Variants in AR observed in about 807,000 individuals in gnomAD.
AR encodes dihydrotestosterone receptor.
Under a neutral mutation model 53.9 loss-of-function variants are expected in AR, and 8 were observed. That is an observed-to-expected ratio of 0.15 (90% confidence interval 0.09 to 0.27). The LOEUF is 0.27. Among genes scored for constraint, AR ranks in the 10% least tolerant of loss-of-function variants. AR has a pLI of 1.00. For synonymous variants in AR, 359 were observed against 316.4 expected, an observed-to-expected ratio of 1.13 and a Z score of -1.43; for missense variants, 639 against 742.5, an observed-to-expected ratio of 0.86 and a Z score of 1.62.
At chrX:67,613,165 T>C (rs1923959715) in intron 1 of AR, among the ~76,000 whole-genome samples, 1 of 111,907 alleles carries the variant, frequency 8.9e-6, no homozygotes, top group Non-Finnish European at 1.9e-5. Flanking sequence ...CTAGGGAATA[T>C]ACCGTTATCC....
intron 3 of AR, among the ~76,000 whole-genome samples, chrX:67,704,016 A>G (rs1042834467): frequency 3.6e-5 from 4 of 111,944 alleles, no homozygotes; most frequent in African/African-American, 1.3e-4. Flanking sequence ...TGGTGTATAT[A>G]TGCCACATTT....
rs750725361 is a variant in AR, at chrX:67,545,665, C to G, written c.519C>G (p.Gly173=). 3.4e-5 allele frequency: 41 copies of G among 1,198,624 alleles called. No individual in the cohort carries two copies. Among genetic ancestry groups the G allele is most frequent in the Non-Finnish European group, 2.9e-5 (26 of 889,355 alleles). The change falls in exon 1 of 8, where the codon GGC becomes GGG. Residue 173 remains glycine, a synonymous_variant. Transcript: ENST00000374690. ...CCCTGCTGGGCCCCACTTTCCCCGG[C>G]TTAAGCAGCTGCTCCGCTGACCTTA... ...TLSLLGPTFP[G]LSSCSADLKD... is the part of the protein sequence containing the mutation.
chrX:67,718,163 C>T (rs755168411), intron 5 of AR, among the ~76,000 whole-genome samples: 3 of 111,679 alleles, frequency 2.7e-5, no homozygotes, highest in African/African-American at 9.8e-5. Flanking sequence ...TAAAGTGACT[C>T]ACCCAAAGTC....
rs2076167278 is a variant in AR at position 67,728,574 on chromosome X, A to AATTATATAT, written c.*4735_*4736insTATATATAT. 1 of 29,775 alleles carries AATTATATAT rather than the reference A, an allele frequency of 3.4e-5. No homozygotes were observed. Among genetic ancestry groups the AATTATATAT allele is most frequent in the Non-Finnish European group, 5.6e-5 (1 of 17,829 alleles). 2.5% of individuals were successfully genotyped at this position (29,775 alleles called of 1,213,427 possible). A position where few individuals can be genotyped will look rare whatever the true frequency, so the allele number is the denominator to read the frequency against. On this transcript the variant is annotated 3_prime_UTR_variant, in exon 8 of 8. Transcript: ENST00000374690. ...ATTTGTATCCATGTTTCAAAATTGA[A>AATTATATAT]ATATATATATATATATATATATATA...
At chrX:67,651,929 A>G (rs912549963) in intron 2 of AR, among the ~76,000 whole-genome samples, 2 of 111,640 alleles carry the variant, frequency 1.8e-5, no homozygotes, top group East Asian at 2.9e-4. Context: ...AGGAAGCACA[A>G]CTTAACACCT....
intron 2 of AR, among the ~76,000 whole-genome samples, chrX:67,660,371 A>G (rs1241144706): frequency 2.7e-5 from 3 of 111,762 alleles, no homozygotes; most frequent in Non-Finnish European, 3.8e-5. Context: ...TCTTTAATCC[A>G]TCTTGAATTA....
intron 1 of AR, among the ~76,000 whole-genome samples, chrX:67,579,709 C>CGGAAAAA (rs1922204647): frequency 2.7e-5 from 3 of 111,846 alleles, no homozygotes; most frequent in Non-Finnish European, 5.7e-5. Context: ...TTCTATGCAG[C>CGGAAAAA]TATTAAAGCA....
At chrX:67,670,373 T>A (rs1707476467) in intron 2 of AR, among the ~76,000 whole-genome samples, 1 of 101,621 alleles carries the variant, frequency 9.8e-6, no homozygotes, top group African/African-American at 3.5e-5. Flanking sequence ...AGTATTATTT[T>A]AAAAATATTT....
intron 1 of AR, among the ~76,000 whole-genome samples, chrX:67,604,195 AAT>A (rs1280599162): frequency 1.7e-4 from 11 of 65,572 alleles, no homozygotes; most frequent in African/African-American, 3.7e-4. Context: ...GCTGGGGAGA[AAT>A]ATGTGTGTGT....
At chrX:67,645,651 C>A in intron 2 of AR, among the ~76,000 whole-genome samples, 1 of 110,850 alleles carries the variant, frequency 9.0e-6, no homozygotes, top group Admixed American at 9.7e-5. Flanking sequence ...ACCTTCTGAG[C>A]CCCTTGGTTA....
At chrX:67,621,458 C>T (rs1267731752) in intron 1 of AR, among the ~76,000 whole-genome samples, 1 of 110,797 alleles carries the variant, frequency 9.0e-6, no homozygotes, top group Admixed American at 9.6e-5. Context: ...TTGCTGCACC[C>T]ATCAACCCGT....
In AR at chrX:67,555,051, C is replaced by T. The variant is rs995038229; in HGVS notation, c.1616+8289C>T. Among the ~76,000 whole-genome samples the T allele has an allele frequency of 1.1e-4, 12 of 110,942 alleles. 1 individual carries two copies. The South Asian group carries it at 2.3e-3, about 21-fold the overall frequency. On this transcript the variant is annotated intron_variant, in intron 1 of 7. Coordinates refer to ENST00000374690, the MANE Select transcript of AR (RefSeq NM_000044.6). ...AGAATCTTCTTGAGGTAACTGCTTA[C>T]GAGGAGCTTATAGCCACTAAAAACA... is the stretch of plus-strand genomic sequence containing the variant.
At chrX:67,627,434 T>G (rs1228067612) in intron 1 of AR, among the ~76,000 whole-genome samples, 10 of 112,406 alleles carry the variant, frequency 8.9e-5, no homozygotes, top group African/African-American at 1.9e-4. Flanking sequence ...GTCTTCTTTT[T>G]AGAAGTGTCT....
At chrX:67,658,869 G>T (rs1177283051) in intron 2 of AR, among the ~76,000 whole-genome samples, 1 of 111,922 alleles carries the variant, frequency 8.9e-6, no homozygotes, top group Admixed American at 9.5e-5. Context: ...TTTAACTGCT[G>T]ATGTGGAGTA....
intron 1 of AR, among the ~76,000 whole-genome samples, chrX:67,614,628 A>G (rs1196007974): frequency 9.0e-6 from 1 of 111,378 alleles, no homozygotes; most frequent in East Asian, 2.8e-4. Context: ...AGTTGTTACA[A>G]TATAGTATCT....
At chrX:67,563,272 G>A (rs1432277257) in intron 1 of AR, among the ~76,000 whole-genome samples, 1 of 111,566 alleles carries the variant, frequency 9.0e-6, no homozygotes, top group East Asian at 2.8e-4. Context: ...TCAGGAATAG[G>A]CTTTGGCATC....
intron 1 of AR, among the ~76,000 whole-genome samples, chrX:67,637,316 A>T (rs1235120632): frequency 4.8e-5 from 4 of 83,745 alleles, no homozygotes; most frequent in Non-Finnish European, 9.3e-5. Context: ...TCCTAATGCT[A>T]TCCCTCCCCC....
intron 1 of AR, among the ~76,000 whole-genome samples, chrX:67,596,121 C>A (rs771573300): frequency 9.0e-6 from 1 of 111,010 alleles, no homozygotes; most frequent in Non-Finnish European, 1.9e-5. Context: ...ATGTGACATG[C>A]CTGCTCCCCC....
chrX:67,705,461 T>C (rs901814620), intron 3 of AR, among the ~76,000 whole-genome samples: 5 of 111,556 alleles, frequency 4.5e-5, no homozygotes, highest in Non-Finnish European at 9.4e-5. Flanking sequence ...GTTATTGGTG[T>C]ATAAGAATGC....
Sources: allele counts gnomAD v4.1 joint callset (sites outside exome capture counted in the v4.1 genomes callset), GRCh38; gene constraint gnomAD v4.1.1; transcripts MANE v1.5; gene names NCBI Gene and HGNC (gene_info 2026-07-23, HGNC 2026-07-21).